The following LTBP1 variants were observed in gnomAD, a reference collection of about 807,000 sequenced individuals.
LTBP1 encodes latent transforming growth factor beta binding protein 1, also known as latent-transforming growth factor beta-binding protein 1.
LTBP1 carries 129 observed loss-of-function variants against 207.6 expected under a neutral mutation model. That is an observed-to-expected ratio of 0.62 (90% confidence interval 0.54 to 0.72). The LOEUF (loss-of-function observed/expected upper bound fraction) is 0.72. Ranked by LOEUF, LTBP1 falls within the 30% of genes least tolerant of loss-of-function variation. LTBP1 has a pLI of 0.00. For synonymous variants in LTBP1, 963 were observed against 833.7 expected, an observed-to-expected ratio of 1.16 and a Z score of -2.67; for missense variants, 2,281 against 2,217.2, an observed-to-expected ratio of 1.03 and a Z score of -0.58.
chr2:33,264,013 C>A (rs1473845215), intron 15 of LTBP1, among the ~76,000 whole-genome samples: 1 of 148,594 alleles, frequency 6.7e-6, no homozygotes, highest in Non-Finnish European at 1.5e-5. Flanking sequence ...CCCAGCACTT[C>A]AGGAGGTCGA....
intron 3 of LTBP1, among the ~76,000 whole-genome samples, chr2:33,041,272 T>C (rs1461450630): frequency 6.6e-6 from 1 of 152,208 alleles, no homozygotes; most frequent in African/African-American, 2.4e-5. Flanking sequence ...AGACTGTGTC[T>C]TTTCTTTTTC....
At chr2:33,384,372 G>A (rs529903844) in intron 31 of LTBP1, among the ~76,000 whole-genome samples, 2 of 152,248 alleles carry the variant, frequency 1.3e-5, no homozygotes, top group South Asian at 2.1e-4. Flanking sequence ...AAGCATTTGC[G>A]CTTGGGGCAT....
intron 2 of LTBP1, among the ~76,000 whole-genome samples, chr2:32,986,727 G>A (rs920039201): frequency 1.3e-5 from 2 of 152,154 alleles, no homozygotes; most frequent in Admixed American, 1.3e-4. Context: ...ACAAGTCTCA[G>A]CCCTGGTGAT....
At chr2:33,110,543 C>G in intron 3 of LTBP1, 39 bp from the exon 4 acceptor site, 1 of 1,569,084 alleles carries the variant, frequency 6.4e-7, no homozygotes, top group Non-Finnish European at 8.7e-7. Context: ...TTTAAAAGCC[C>G]ATTATTTAAT....
chr2:33,218,064 G>T (rs2149376145), intron 8 of LTBP1, among the ~76,000 whole-genome samples: 1 of 152,286 alleles, frequency 6.6e-6, no homozygotes, highest in African/African-American at 2.4e-5. Flanking sequence ...CACAACTTAT[G>T]TTGTAGTTTT....
chr2:33,106,086 C>T (rs1405432904), intron 3 of LTBP1, among the ~76,000 whole-genome samples: 3 of 152,182 alleles, frequency 2.0e-5, no homozygotes, highest in Non-Finnish European at 2.9e-5. Context: ...TGTTTCTTTG[C>T]TCATCTGTAA....
intron 15 of LTBP1, among the ~76,000 whole-genome samples, chr2:33,264,233 G>C (rs927453667): frequency 3.4e-5 from 5 of 148,210 alleles, no homozygotes; most frequent in African/African-American, 1.2e-4. Flanking sequence ...TCCAGCCTGG[G>C]GGACAGAGCG....
At chr2:33,060,930 T>C in intron 3 of LTBP1, among the ~76,000 whole-genome samples, 1 of 152,168 alleles carries the variant, frequency 6.6e-6, no homozygotes, top group East Asian at 1.9e-4. Flanking sequence ...CAAACAATTA[T>C]ATGAATCAAA....
At chr2:33,397,367 T>A in intron 33 of LTBP1, 85 bp downstream of exon 33, 1 of 1,514,930 alleles carries the variant, frequency 6.6e-7, no homozygotes, top group Non-Finnish European at 9.1e-7. Flanking sequence ...AAGATAGATT[T>A]GCTGAGTTTC....
intron 9 of LTBP1, among the ~76,000 whole-genome samples, chr2:33,226,569 C>T (rs1364263835): frequency 1.3e-5 from 2 of 152,232 alleles, no homozygotes; most frequent in Non-Finnish European, 2.9e-5. Flanking sequence ...TCCGGAGCAG[C>T]AGTCCCTGTA....
intron 2 of LTBP1, among the ~76,000 whole-genome samples, chr2:32,980,955 C>T (rs186778171): frequency 1.4e-4 from 21 of 152,246 alleles, no homozygotes; most frequent in Middle Eastern, 3.4e-3. Flanking sequence ...AGATGTATTG[C>T]GCTCCATTGT....
chr2:33,044,195 A>G (rs1037114924), intron 3 of LTBP1, among the ~76,000 whole-genome samples: 3 of 151,858 alleles, frequency 2.0e-5, no homozygotes, highest in African/African-American at 7.3e-5. Context: ...TACACATGCC[A>G]TGGTGGTTTG....
intron 31 of LTBP1, among the ~76,000 whole-genome samples, chr2:33,385,874 T>C (rs866537654): frequency 1.3e-5 from 2 of 152,192 alleles, no homozygotes; most frequent in Non-Finnish European, 1.5e-5. Flanking sequence ...AAAGGATGTT[T>C]TGATCACTGA....
chr2:33,097,775 T>G (rs1430505532), intron 3 of LTBP1, among the ~76,000 whole-genome samples: 2 of 152,178 alleles, frequency 1.3e-5, no homozygotes, highest in African/African-American at 4.8e-5. Flanking sequence ...AGCATAGAAG[T>G]TCCTCCCTAG....
intron 3 of LTBP1, among the ~76,000 whole-genome samples, chr2:33,060,204 G>A (rs1032097522): frequency 6.6e-6 from 1 of 152,054 alleles, no homozygotes; most frequent in South Asian, 2.1e-4. Flanking sequence ...TTGCAGGCTG[G>A]GATGAGAGTT....
chr2:33,106,123 T>G (rs1298426575), intron 3 of LTBP1, among the ~76,000 whole-genome samples: 1 of 152,236 alleles, frequency 6.6e-6, no homozygotes, highest in Non-Finnish European at 1.5e-5. Flanking sequence ...CCTTCAAGTC[T>G]GATCATGAGA....
rs2149769097 is a variant in LTBP1 at position 33,347,571 on chromosome 2, A to G, written c.4000+61A>G. On this transcript the variant is annotated intron_variant, in intron 26 of 33. Coordinates refer to ENST00000404816, the MANE Select transcript of LTBP1 (RefSeq NM_206943.4). ...GCTCCTCTCAAAGACCTGCACCCAC[A>G]CAGCTTTGGGATAAACGCTGGGAGT... The G allele has an allele frequency of 3.1e-6, 5 of 1,600,572 alleles. No homozygotes were observed. The East Asian group carries it at 8.9e-5, about 29-fold the overall frequency.
At chr2:33,047,367 A>G (rs2076501475) in intron 3 of LTBP1, among the ~76,000 whole-genome samples, 1 of 152,134 alleles carries the variant, frequency 6.6e-6, no homozygotes, top group African/African-American at 2.4e-5. Context: ...TAATTTCGTT[A>G]TGTACCCGGT....
At chr2:33,082,609 T>C (rs1239674380) in intron 3 of LTBP1, among the ~76,000 whole-genome samples, 2 of 151,960 alleles carry the variant, frequency 1.3e-5, no homozygotes. Flanking sequence ...ATATTTTTAG[T>C]AGAGATGGGG....
Sources: gnomAD v4.1 joint callset for allele counts (sites outside exome capture counted in the v4.1 genomes callset) on GRCh38, gnomAD v4.1.1 for gene constraint, MANE v1.5 for transcripts, NCBI Gene and HGNC (gene_info 2026-07-23, HGNC 2026-07-21) for gene names.